Variants in MALRD1 observed in about 807,000 individuals in gnomAD.
The protein encoded by MALRD1 is MAM and LDL receptor class A domain containing 1.
MALRD1 carries 247 observed loss-of-function variants against 242.1 expected under a neutral mutation model. That is an observed-to-expected ratio of 1.02 (90% CI 0.92 to 1.13). The LOEUF (loss-of-function observed/expected upper bound fraction) is 1.13. MALRD1 is among the 50% of genes most tolerant of loss of function. MALRD1 has a pLI of 0.00. For synonymous variants in MALRD1, 995 were observed against 866.6 expected, an observed-to-expected ratio of 1.15 and a Z score of -2.60; for missense variants, 2,989 against 2,533.1, an observed-to-expected ratio of 1.18 and a Z score of -3.86.
chr10:19,419,471 T>G (rs921825651), intron 28 of MALRD1, among the ~76,000 whole-genome samples: 10 of 152,050 alleles, frequency 6.6e-5, no homozygotes, highest in African/African-American at 1.9e-4. Flanking sequence ...ATTTAATTTT[T>G]TTGTTGTTGT....
At chr10:19,389,197 C>T (rs975532277) in intron 27 of MALRD1, 17 of 564,022 alleles carry the variant, frequency 3.0e-5, no homozygotes, top group Admixed American at 1.4e-4. Flanking sequence ...CTTGTTGATG[C>T]GACGGCATAA....
Position 19,447,280 on chromosome 10 carries a change from T to C in MALRD1, c.4846-3027T>C, listed in dbSNP as rs533974963. ...AAAGTTTGCTGAATAAAGGAATGAA[T>C]GAATGGATAAGGAAATAAACCTCCA... On this transcript the variant is annotated intron_variant, in intron 28 of 39. Coordinates refer to ENST00000454679, the MANE Select transcript of MALRD1 (RefSeq NM_001142308.3). 3.3e-5 allele frequency among the ~76,000 whole-genome samples: 5 copies of C among 152,332 alleles called. No homozygotes were observed. In the East Asian group the frequency reaches 9.6e-4, roughly 29 times the overall value.
intron 28 of MALRD1, among the ~76,000 whole-genome samples, chr10:19,412,248 G>T (rs1457947610): frequency 3.3e-5 from 5 of 152,166 alleles, no homozygotes; most frequent in African/African-American, 1.2e-4. Context: ...CCGAAATCAC[G>T]CCATTGCACT....
chr10:19,724,929 G>A (rs945347994), intron 38 of MALRD1: 3 of 152,108 alleles, frequency 2.0e-5, no homozygotes, highest in Non-Finnish European at 4.4e-5. Flanking sequence ...CTACATACCA[G>A]CAATGAACAA....
intron 32 of MALRD1, among the ~76,000 whole-genome samples, chr10:19,558,715 C>T (rs73595843): frequency 0.042 from 6,399 of 151,872 alleles, 443 homozygotes; most frequent in African/African-American, 0.15. Flanking sequence ...ATGTTTTTGT[C>T]TGGTTTTGTA....
chr10:19,437,543 G>C (rs564941649), intron 28 of MALRD1, among the ~76,000 whole-genome samples: 1 of 151,678 alleles, frequency 6.6e-6, no homozygotes, highest in Non-Finnish European at 1.5e-5. Flanking sequence ...TCCTCAATCT[G>C]TTTCTCTCTG....
At chr10:19,465,941 A>G (rs1261615781) in intron 29 of MALRD1, among the ~76,000 whole-genome samples, 2 of 152,200 alleles carry the variant, frequency 1.3e-5, no homozygotes, top group African/African-American at 4.8e-5. Flanking sequence ...TAGGTGAAAT[A>G]ATTTGTCAAT....
intron 19 of MALRD1, among the ~76,000 whole-genome samples, chr10:19,277,871 C>G (rs1458754049): frequency 2.0e-5 from 3 of 152,152 alleles, no homozygotes; most frequent in East Asian, 3.9e-4. Context: ...TTTGCTCTTT[C>G]CTTTAAACCA....
At chr10:19,425,626 T>G (rs971266822) in intron 28 of MALRD1, among the ~76,000 whole-genome samples, 2 of 152,160 alleles carry the variant, frequency 1.3e-5, no homozygotes, top group Non-Finnish European at 2.9e-5. Flanking sequence ...TGAGGGACAG[T>G]GTACCTGTTC....
chr10:19,126,302 A>T (rs1229551118), intron 7 of MALRD1, among the ~76,000 whole-genome samples: 1 of 152,130 alleles, frequency 6.6e-6, no homozygotes, highest in African/African-American at 2.4e-5. Flanking sequence ...TATTCAAGTA[A>T]TTCTCTCTTA....
At chr10:19,419,084 T>A (rs754943842) in intron 28 of MALRD1, among the ~76,000 whole-genome samples, 10 of 152,186 alleles carry the variant, frequency 6.6e-5, no homozygotes, top group Non-Finnish European at 1.3e-4. Context: ...CTTCTCCAGC[T>A]AACCGCCTTC....
chr10:19,373,673 C>T (rs944673578), intron 26 of MALRD1, among the ~76,000 whole-genome samples: 22 of 152,148 alleles, frequency 1.4e-4, no homozygotes, highest in African/African-American at 5.1e-4. Flanking sequence ...GTTTCTCACA[C>T]GTGTATACTT....
intron 28 of MALRD1, among the ~76,000 whole-genome samples, chr10:19,415,880 T>TCACACA (rs957546535): frequency 4.6e-5 from 7 of 152,220 alleles, no homozygotes; most frequent in African/African-American, 1.4e-4. Context: ...TCTGTGTTGT[T>TCACACA]CACACGTGAA....
At chr10:19,107,196 G>T (rs917332468) in intron 5 of MALRD1, among the ~76,000 whole-genome samples, 1 of 151,916 alleles carries the variant, frequency 6.6e-6, no homozygotes, top group Admixed American at 6.6e-5. Context: ...TTTTCTGTCT[G>T]AATTATCCGT....
intron 31 of MALRD1, among the ~76,000 whole-genome samples, chr10:19,523,740 G>C (rs777589542): frequency 2.1e-4 from 32 of 151,958 alleles, no homozygotes; most frequent in Non-Finnish European, 3.2e-4. Context: ...GAGCATATTA[G>C]GTTCTTTAAA....
intron 32 of MALRD1, among the ~76,000 whole-genome samples, chr10:19,531,737 CA>C (rs1834425851): frequency 6.6e-6 from 1 of 152,078 alleles, no homozygotes; most frequent in South Asian, 2.1e-4. Context: ...TAAGGAAAAG[CA>C]AATTTGAGAC....
intron 36 of MALRD1, among the ~76,000 whole-genome samples, chr10:19,653,167 A>AT (rs1336445062): frequency 5.3e-5 from 8 of 151,564 alleles, no homozygotes; most frequent in African/African-American, 1.9e-4. Context: ...ATCAGTTTCC[A>AT]TCTCTTGCTG....
chr10:19,175,197 T>C lies in MALRD1; in HGVS notation c.1831-11T>C. The C allele has an allele frequency of 8.1e-7, 1 of 1,227,414 alleles. No individual in the cohort carries two copies. The highest frequency in any genetic ancestry group is 1.0e-6 in the Non-Finnish European group (1 of 984,916). The allele number at this position is 1,227,414 out of a possible 1,614,324, so 76.0% of individuals were successfully genotyped here. Reference sequence around the variant, plus strand: ...TGTGTTTTTAACAGTTTTATCTTTCTGTAATTATAGTTAATTTTGGAAGCT... The same window carrying C: ...TGTGTTTTTAACAGTTTTATCTTTCCGTAATTATAGTTAATTTTGGAAGCT... On this transcript the variant is annotated splice_polypyrimidine_tract_variant and intron_variant, in intron 13 of 39. Coordinates refer to ENST00000454679, the MANE Select transcript of MALRD1 (RefSeq NM_001142308.3).
Position 19,530,367 on chromosome 10 carries a change from ATATT to A in MALRD1, c.5321-823_5321-820del, listed in dbSNP as rs1420360970. Reference sequence around the variant, plus strand: ...ATATAAATATATAATATTTATATAAATATTTATATAAATATTATATATTTATATA... The same window carrying A: ...ATATAAATATATAATATTTATATAAATATATAAATATTATATATTTATATA... On this transcript the variant is annotated intron_variant, in intron 31 of 39. Coordinates refer to ENST00000454679, the MANE Select transcript of MALRD1 (RefSeq NM_001142308.3). 2.7e-4 allele frequency among the ~76,000 whole-genome samples: 29 copies of A among 109,110 alleles called. 1 individual carries two copies. Among genetic ancestry groups the A allele is most frequent in the African/African-American group, 1.3e-3 (25 of 19,432 alleles). 71.6% of individuals were successfully genotyped at this position (109,110 alleles called of 152,430 possible).
Sources: allele counts gnomAD v4.1 joint callset (sites outside exome capture counted in the v4.1 genomes callset), GRCh38; gene constraint gnomAD v4.1.1; transcripts MANE v1.5; gene names NCBI Gene and HGNC (gene_info 2026-07-23, HGNC 2026-07-21).